Variants in PCDHGB5 observed in about 807,000 individuals in gnomAD.
The protein encoded by PCDHGB5 is protocadherin gamma-B5.
In PCDHGB5, 48 loss-of-function variants were observed where a neutral mutation model predicts 62.9. That is an observed-to-expected ratio of 0.76 (90% CI 0.61 to 0.97). The LOEUF is 0.97. Among genes scored for constraint, PCDHGB5 ranks in the 50% least tolerant of loss-of-function variants. PCDHGB5 has a pLI of 0.00. For missense variants in PCDHGB5, 1,118 were observed against 1,198.6 expected, an observed-to-expected ratio of 0.93 and a Z score of 0.99; for synonymous variants, 474 against 511.2, an observed-to-expected ratio of 0.93 and a Z score of 0.98.
At chr5:141,409,047 G>T in intron 1 of PCDHGB5, 2 of 1,613,982 alleles carry the variant, frequency 1.2e-6, no homozygotes, top group Admixed American at 1.7e-5. Flanking sequence ...TACTACTTCC[G>T]AAGCACTGCC....
At position 141,486,047 on chromosome 5, in the gene PCDHGB5, C is replaced by G. The variant is rs763394605; in HGVS notation, c.2398-8760C>G. The G allele has an allele frequency of 3.1e-6, 5 of 1,614,172 alleles. No homozygotes were observed. The East Asian group carries it at 6.7e-5, about 22-fold the overall frequency. On this transcript the variant is annotated intron_variant, in intron 1 of 3. Transcript: ENST00000617380. This position sits in a 1 kb window ranked among gnomAD's most constrained non-coding sequence, Gnocchi z 5.0. ...TCATACCCCTGATCGTGTAAGAAAC[C>G]TCTTTAGCCTGCACCCCACTACTGG...
intron 1 of PCDHGB5, among the ~76,000 whole-genome samples, chr5:141,455,860 A>T (rs1032468147): frequency 1.4e-5 from 2 of 139,848 alleles, no homozygotes; most frequent in South Asian, 2.3e-4. Context: ...AATTTCTTTT[A>T]TTATTTATTT....
chr5:141,420,993 C>T (rs956578377), intron 1 of PCDHGB5: 2 of 501,412 alleles, frequency 4.0e-6, no homozygotes, highest in Non-Finnish European at 7.0e-6. Context: ...GGCGCCGCTG[C>T]TCACCAATCA....
At chr5:141,417,690 A>T in intron 1 of PCDHGB5, 1 of 1,077,126 alleles carries the variant, frequency 9.3e-7, no homozygotes, top group East Asian at 2.6e-5. Context: ...AGAAAAGAAA[A>T]CCAGCTCCCA....
At position 141,408,680 on chromosome 5, in the gene PCDHGB5, C is replaced by G. The variant is rs774572788; in HGVS notation, c.2397+8156C>G. 1.5e-4 allele frequency: 245 copies of G among 1,613,812 alleles called. No homozygotes were observed. Among genetic ancestry groups the G allele is most frequent in the Non-Finnish European group, 1.9e-4 (222 of 1,179,872 alleles). On this transcript the variant is annotated intron_variant, in intron 1 of 3. Coordinates refer to ENST00000617380, the MANE Select transcript of PCDHGB5 (RefSeq NM_018925.3). ...ACTATCGCTTGACCCTGCCACGGAT[C>G]CTGATATAAACATAAACTCAATTAA...
Position 141,501,330 on chromosome 5 carries a change from CA to C in PCDHGB5, c.2457-4062del, listed in dbSNP as rs1562200936. 1.8e-3 allele frequency among the ~76,000 whole-genome samples: 266 copies of C among 151,500 alleles called. 1 individual carries two copies. Among genetic ancestry groups the C allele is most frequent in the African/African-American group, 5.1e-3 (210 of 41,250 alleles). On this transcript the variant is annotated intron_variant, in intron 2 of 3. Transcript: ENST00000617380. ...ACACACACACACACACACACACACACACACCCCAAACTCAATAGGGCAAGAA... is the reference window on the plus strand; with the variant it reads ...ACACACACACACACACACACACACACCACCCCAAACTCAATAGGGCAAGAA...
Position 141,485,243 on chromosome 5 carries a change from C to A in PCDHGB5, c.2398-9564C>A. ...TACCCTTTTGTTCCTCTTTTACCACCTGGGTTACGTTTGTGGGCAGATCCG... is the reference window on the plus strand; with the variant it reads ...TACCCTTTTGTTCCTCTTTTACCACATGGGTTACGTTTGTGGGCAGATCCG... On this transcript the variant is annotated intron_variant, in intron 1 of 3. Transcript: ENST00000617380. This position sits in a 1 kb window ranked among gnomAD's most constrained non-coding sequence, Gnocchi z 5.7. 1 of 1,614,180 alleles carries A rather than the reference C, an allele frequency of 6.2e-7. No homozygotes were observed. The highest frequency in any genetic ancestry group is 8.5e-7 in the Non-Finnish European group (1 of 1,180,000).
chr5:141,433,623 G>A (rs2097635547), intron 1 of PCDHGB5, among the ~76,000 whole-genome samples: 1 of 152,070 alleles, frequency 6.6e-6, no homozygotes, highest in African/African-American at 2.4e-5. Flanking sequence ...ATCACCTGAG[G>A]TTGGGAGTTT....
chr5:141,414,920 C>A (rs1222364302), intron 1 of PCDHGB5: 1 of 1,614,146 alleles, frequency 6.2e-7, no homozygotes, highest in South Asian at 1.1e-5. Flanking sequence ...GTGGAGCTGG[C>A]GCCCCGCTCC....
intron 1 of PCDHGB5, among the ~76,000 whole-genome samples, chr5:141,425,159 G>C (rs557552439): frequency 6.6e-6 from 1 of 152,126 alleles, no homozygotes; most frequent in South Asian, 2.1e-4. Context: ...AGCATCTAGG[G>C]ATAGGATTTA....
intron 2 of PCDHGB5, among the ~76,000 whole-genome samples, chr5:141,504,143 C>A (rs2099835975): frequency 6.6e-6 from 1 of 152,136 alleles, no homozygotes; most frequent in Non-Finnish European, 1.5e-5. Flanking sequence ...CACTCCCCTG[C>A]AAATTGAAAT....
chr5:141,398,764 A>G lies in PCDHGB5; in HGVS notation c.637A>G (p.Thr213Ala). Reference protein sequence around the residue: ...EQQSYHRLVLTALDGGHPPLS... With the variant: ...EQQSYHRLVLAALDGGHPPLS... The stretch of plus-strand genomic sequence containing the variant: ...ACAGAGTTACCATCGTTTAGTCCTG[A>G]CTGCCTTGGACGGTGGACATCCACC... Residue 213 changes from threonine to alanine, a missense_variant, in exon 1 of 4, where the codon ACT becomes GCT. This residue lies in a region of PCDHGB5 where 1,034 missense variants were observed against 1,029.1 expected (regional missense o/e 1.00). Coordinates refer to ENST00000617380, the MANE Select transcript of PCDHGB5 (RefSeq NM_018925.3). 2 of 1,613,924 alleles carry G rather than the reference A, an allele frequency of 1.2e-6. No homozygotes were observed. Among genetic ancestry groups the G allele is most frequent in the East Asian group, 4.5e-5 (2 of 44,878 alleles).
chr5:141,423,053 T>C lies in PCDHGB5; in HGVS notation c.2397+22529T>C, dbSNP rs200154593. 1.4e-4 allele frequency: 219 copies of C among 1,614,170 alleles called. 1 individual carries two copies. The African/African-American group carries it at 2.5e-3, about 18-fold the overall frequency. ...CAGAACGCCTGGCTGTCCTATCGCCTGCTTAAGGCCAGCGAGCCGGGACTC... is the reference window on the plus strand; with the variant it reads ...CAGAACGCCTGGCTGTCCTATCGCCCGCTTAAGGCCAGCGAGCCGGGACTC... On this transcript the variant is annotated intron_variant, in intron 1 of 3. Coordinates refer to ENST00000617380, the MANE Select transcript of PCDHGB5 (RefSeq NM_018925.3).
intron 1 of PCDHGB5, among the ~76,000 whole-genome samples, chr5:141,447,123 T>G (rs1004463863): frequency 1.3e-5 from 2 of 152,160 alleles, no homozygotes; most frequent in Non-Finnish European, 2.9e-5. Flanking sequence ...CCATGGATTT[T>G]TTTGTTTGTT....
chr5:141,405,351 C>T (rs2094645564), intron 1 of PCDHGB5: 1 of 1,613,962 alleles, frequency 6.2e-7, no homozygotes, highest in Non-Finnish European at 8.5e-7. Context: ...TCCAAGTTTC[C>T]TATAGAAGAC....
At chr5:141,503,801 G>A (rs920669425) in intron 2 of PCDHGB5, among the ~76,000 whole-genome samples, 1 of 151,990 alleles carries the variant, frequency 6.6e-6, no homozygotes, top group Admixed American at 6.6e-5. Flanking sequence ...ACTTAGGGAC[G>A]GGGAATCCCA....
In PCDHGB5 at chr5:141,450,141, G is replaced by A. The variant is rs762961199; in HGVS notation, c.2398-44666G>A. On this transcript the variant is annotated intron_variant, in intron 1 of 3. Transcript: ENST00000617380. ...CCTGCCTTAGCCTCCTGAGTAGCTG[G>A]GACTACAGGCATGTGCCACCACACT... Among the ~76,000 whole-genome samples, 401 of 151,622 alleles carry A rather than the reference G, an allele frequency of 2.6e-3. 1 individual carries two copies. The highest frequency in any genetic ancestry group is 3.8e-3 in the Non-Finnish European group (260 of 67,912).
At position 141,432,651 on chromosome 5, in the gene PCDHGB5, C is replaced by A; in HGVS notation, c.2397+32127C>A. 2.5e-6 allele frequency: 4 copies of A among 1,613,824 alleles called. No individual in the cohort carries two copies. The highest frequency in any genetic ancestry group is 1.1e-5 in the South Asian group (1 of 91,058). ...ACGGGCGAGGTGCGCACGGCGCGAG[C>A]CCTGCTGGACAGAGACGCGCTCAAG... On this transcript the variant is annotated intron_variant, in intron 1 of 3. Coordinates refer to ENST00000617380, the MANE Select transcript of PCDHGB5 (RefSeq NM_018925.3). This position sits in a 1 kb window ranked among gnomAD's most constrained non-coding sequence, Gnocchi z 6.0.
Position 141,399,485 on chromosome 5 carries a change from A to G in PCDHGB5, c.1358A>G (p.Tyr453Cys), listed in dbSNP as rs760899297. ...GCTCCGGTTTTCCACCAGGCGTCCT[A>G]CTTAGTCAGTGTACCCGAAAACAAC... ...DNAPVFHQAS[Y>C]LVSVPENNPP... Residue 453 changes from tyrosine (Y) to cysteine (C), a missense_variant, in exon 1 of 4, where the codon TAC (tyrosine) becomes TGC (cysteine). Physicochemically the swap from Tyr to Cys is radical, Grantham distance 194. Around this residue, in one of 2 missense-constraint regions of PCDHGB5, gnomAD observed 1,034 missense variants for 1,029.1 expected, o/e 1.00. Transcript: ENST00000617380. The G allele has an allele frequency of 4.7e-5, 76 of 1,613,904 alleles. No individual in the cohort carries two copies. The highest frequency in any genetic ancestry group is 6.1e-5 in the Non-Finnish European group (72 of 1,179,908).
Sources: gnomAD v4.1 joint callset for allele counts (sites outside exome capture counted in the v4.1 genomes callset) on GRCh38, gnomAD v4.1.1 for gene constraint, gnomAD v4.1.1 regional missense constraint, Gnocchi (gnomAD v3.1) non-coding constraint, MANE v1.5 for transcripts, NCBI Gene and HGNC (gene_info 2026-07-23, HGNC 2026-07-21) for gene names.